The following SLC30A6 variants were observed in gnomAD, a reference collection of about 807,000 sequenced individuals.
SLC30A6 encodes solute carrier family 30 member 6.
SLC30A6 carries 55 observed loss-of-function variants against 63.0 expected under a neutral mutation model. The ratio of observed to expected loss-of-function variants is 0.87; its 90% confidence interval spans 0.70 to 1.09. SLC30A6 has a LOEUF of 1.09. Ranked by LOEUF, SLC30A6 falls within the 50% of genes least tolerant of loss-of-function variation. The pLI, the probability that SLC30A6 is intolerant of heterozygous loss-of-function variation, is 0.00. For synonymous variants in SLC30A6, 224 were observed against 186.1 expected (o/e 1.20, Z -1.66); for missense variants, 587 against 549.2 (o/e 1.07, Z -0.69).
intron 1 of SLC30A6, among the ~76,000 whole-genome samples, chr2:32,169,879 A>G (rs558309455): frequency 1.3e-5 from 2 of 152,360 alleles, no homozygotes; most frequent in East Asian, 3.9e-4. Context: ...TTGCAAAAGC[A>G]AATGTGAATA....
chr2:32,194,817 A>G (rs575911729), intron 8 of SLC30A6, among the ~76,000 whole-genome samples: 18 of 152,314 alleles, frequency 1.2e-4, no homozygotes, highest in Admixed American at 1.0e-3. Context: ...AAATTAAATA[A>G]TGATAATTAA....
At chr2:32,209,663 A>T in intron 13 of SLC30A6, 102 bp downstream of exon 13, 2 of 895,594 alleles carry the variant, frequency 2.2e-6, no homozygotes. Flanking sequence ...AGAGCCTTTG[A>T]TTCCTAGTTA....
intron 4 of SLC30A6, among the ~76,000 whole-genome samples, chr2:32,180,605 G>A (rs142319265): frequency 6.6e-6 from 1 of 151,896 alleles, no homozygotes; most frequent in South Asian, 2.1e-4. Flanking sequence ...GCTAATTTTT[G>A]TATTTTTAGT....
chr2:32,205,720 G>C (rs956856118), intron 11 of SLC30A6, among the ~76,000 whole-genome samples: 4 of 129,584 alleles, frequency 3.1e-5, no homozygotes, highest in Non-Finnish European at 4.7e-5. Context: ...AGGCTGGAGT[G>C]CAGTGGCGCT....
chr2:32,194,134 G>A, intron 8 of SLC30A6, 151 bp downstream of exon 8: 6 of 519,108 alleles, frequency 1.2e-5, no homozygotes, highest in East Asian at 6.9e-5. Flanking sequence ...TTTTTTAAGT[G>A]GAAAATTATA....
chr2:32,201,552 TAGGTGG>T, intron 10 of SLC30A6: 1 of 1,041,476 alleles, frequency 9.6e-7, no homozygotes, highest in South Asian at 1.6e-5. Flanking sequence ...TTGCTGCATG[TAGGTGG>T]TTGTGGCCAC....
chr2:32,220,875 G>A lies in SLC30A6; in HGVS notation c.*162G>A, dbSNP rs1686104311. ...CTATGAAACTATATTTTTGTAAAAT[G>A]TATTTGTGACAGTGAAATCCTCGTA... is the stretch of plus-strand genomic sequence containing the variant. On this transcript the variant is annotated 3_prime_UTR_variant, in exon 14 of 14. Transcript: ENST00000282587. 4.5e-6 allele frequency: 3 copies of A among 672,248 alleles called. No individual in the cohort carries two copies. The Admixed American group carries it at 9.4e-5, about 21-fold the overall frequency. The allele number at this position is 672,248 out of a possible 1,614,324, so 41.6% of individuals were successfully genotyped here.
intron 4 of SLC30A6, among the ~76,000 whole-genome samples, chr2:32,178,478 A>G (rs2148817716): frequency 6.6e-6 from 1 of 152,258 alleles, no homozygotes; most frequent in South Asian, 2.1e-4. Flanking sequence ...GTTTGAGACC[A>G]GCCTGACTAA....
intron 10 of SLC30A6, among the ~76,000 whole-genome samples, chr2:32,199,384 TATG>T (rs1282696920): frequency 1.3e-5 from 2 of 152,236 alleles, no homozygotes; most frequent in African/African-American, 4.8e-5. Context: ...GGTCATGTGA[TATG>T]ATAATTCTGT....
At chr2:32,198,431 A>G (rs866428366) in intron 10 of SLC30A6, among the ~76,000 whole-genome samples, 17 of 152,162 alleles carry the variant, frequency 1.1e-4, no homozygotes, top group African/African-American at 4.1e-4. Context: ...CCTGACTTCT[A>G]TAGGTGTCTA....
intron 10 of SLC30A6, chr2:32,202,722 A>G: frequency 1.5e-6 from 1 of 688,084 alleles, no homozygotes; most frequent in South Asian, 1.6e-5. Context: ...TGAAGATATT[A>G]TTCATGAATT....
chr2:32,184,489 GCA>G (rs2148830690), intron 5 of SLC30A6, 151 bp downstream of exon 5: 1 of 428,720 alleles, frequency 2.3e-6, no homozygotes, highest in Admixed American at 4.5e-5. Flanking sequence ...GATAGGCTGG[GCA>G]CAGTGGCTCA....
chr2:32,171,260 GC>G lies in SLC30A6; in HGVS notation c.4-26del, dbSNP rs770211457. On this transcript the variant is annotated intron_variant, in intron 1 of 13. Transcript: ENST00000282587. ...TCTGAAGATGATTAAATATCTAAATGCTGATTTGTATATGTTTGTTTGAAAG... is the reference window on the plus strand; with the variant it reads ...TCTGAAGATGATTAAATATCTAAATGTGATTTGTATATGTTTGTTTGAAAG... 10 of 1,580,908 alleles carry G rather than the reference GC, an allele frequency of 6.3e-6. No homozygotes were observed. The African/African-American group carries it at 1.2e-4, about 19-fold the overall frequency.
chr2:32,190,196 C>T (rs1180374452), intron 5 of SLC30A6, among the ~76,000 whole-genome samples: 4 of 152,096 alleles, frequency 2.6e-5, no homozygotes, highest in African/African-American at 7.2e-5. Context: ...CGGTGGCTCA[C>T]GCATGTAATC....
chr2:32,190,471 A>AG (rs1421365586), intron 5 of SLC30A6, among the ~76,000 whole-genome samples: 11 of 152,100 alleles, frequency 7.2e-5, no homozygotes, highest in South Asian at 2.1e-4. Context: ...AAAAAAAAAA[A>AG]AAAGTTTTAA....
chr2:32,176,093 T>A lies in SLC30A6; in HGVS notation c.218+732T>A, dbSNP rs2148812053. ...TAATTCATACCTCAGAGGGCTAATT[T>A]TGCTAACATTTGAAGGGCCCTACAA... On this transcript the variant is annotated intron_variant, in intron 4 of 13. Coordinates refer to ENST00000282587, the MANE Select transcript of SLC30A6 (RefSeq NM_017964.5). Among the ~76,000 whole-genome samples the A allele has an allele frequency of 1.3e-5, 2 of 152,120 alleles. 1 individual carries two copies. Among genetic ancestry groups the A allele is most frequent in the South Asian group, 4.2e-4 (2 of 4,808 alleles).
intron 10 of SLC30A6, among the ~76,000 whole-genome samples, chr2:32,198,261 A>G (rs35560333): frequency 0.11 from 17,075 of 152,224 alleles, 993 homozygotes; most frequent in Middle Eastern, 0.21. Flanking sequence ...CACCTTTTAA[A>G]TATTAGTCTT....
intron 10 of SLC30A6, among the ~76,000 whole-genome samples, chr2:32,204,320 G>A (rs1032449915): frequency 2.6e-5 from 4 of 152,004 alleles, no homozygotes; most frequent in African/African-American, 7.2e-5. Context: ...AATGCCTGAC[G>A]GGGAAATGTC....
chr2:32,185,604 A>C (rs1054854135), intron 5 of SLC30A6, among the ~76,000 whole-genome samples: 4 of 152,132 alleles, frequency 2.6e-5, no homozygotes, highest in African/African-American at 9.7e-5. Flanking sequence ...CTTTTGAACA[A>C]AATTAGGTTT....
Sources: gnomAD v4.1 joint callset for allele counts (sites outside exome capture counted in the v4.1 genomes callset) on GRCh38, gnomAD v4.1.1 for gene constraint, MANE v1.5 for transcripts, NCBI Gene and HGNC (gene_info 2026-07-23, HGNC 2026-07-21) for gene names.